Variants in RXRA observed in about 807,000 individuals in gnomAD.
RXRA encodes the protein retinoic acid receptor RXR-alpha.
RXRA carries 5 observed loss-of-function variants against 44.5 expected under a neutral mutation model. That is an observed-to-expected ratio of 0.11 (90% confidence interval 0.06 to 0.24). The LOEUF (loss-of-function observed/expected upper bound fraction) is 0.24. Among genes scored for constraint, RXRA ranks in the 10% least tolerant of loss-of-function variants. The probability of loss-of-function intolerance (pLI) is 1.00; values close to 1 mark genes in which losing one functional copy is unlikely to be tolerated. For missense variants in RXRA, 412 were observed against 646.5 expected, an observed-to-expected ratio of 0.64 and a Z score of 3.93; for synonymous variants, 291 against 271.4, an observed-to-expected ratio of 1.07 and a Z score of -0.71.
intron 7 of RXRA, among the ~76,000 whole-genome samples, chr9:134,431,169 C>T (rs574400806): frequency 5.4e-4 from 83 of 152,372 alleles, no homozygotes; most frequent in Admixed American, 1.5e-3. Context: ...CCCTTACTTC[C>T]TGGACACAGC....
intron 1 of RXRA, among the ~76,000 whole-genome samples, chr9:134,360,990 G>A (rs1005233193): frequency 2.0e-4 from 30 of 152,304 alleles, no homozygotes; most frequent in Admixed American, 1.8e-3. Context: ...AATCCAGGAG[G>A]CCTGGAGAGC....
At chr9:134,330,884 G>A (rs145410822) in intron 1 of RXRA, among the ~76,000 whole-genome samples, 40 of 152,330 alleles carry the variant, frequency 2.6e-4, no homozygotes, top group African/African-American at 9.4e-4. Flanking sequence ...GTGTGTTGTA[G>A]GCTGGCTGGG....
chr9:134,395,067 G>A (rs1343777943), intron 1 of RXRA, among the ~76,000 whole-genome samples: 4 of 152,222 alleles, frequency 2.6e-5, no homozygotes, highest in Non-Finnish European at 5.9e-5. Flanking sequence ...GAGCCTGACC[G>A]ACCTGGCCTG....
chr9:134,341,198 C>T (rs1210146213), intron 1 of RXRA, among the ~76,000 whole-genome samples: 4 of 152,332 alleles, frequency 2.6e-5, no homozygotes, highest in Middle Eastern at 3.4e-3. Flanking sequence ...CACGCTCCCT[C>T]GTTCCCTGCA....
At chr9:134,382,294 C>T (rs900546183) in intron 1 of RXRA, among the ~76,000 whole-genome samples, 2 of 151,224 alleles carry the variant, frequency 1.3e-5, no homozygotes, top group East Asian at 1.9e-4. Context: ...TGTGTGTGTG[C>T]GCTTTTGACT....
intron 9 of RXRA, among the ~76,000 whole-genome samples, chr9:134,435,279 C>T (rs932233447): frequency 2.2e-4 from 34 of 152,336 alleles, no homozygotes; most frequent in African/African-American, 7.2e-4. Context: ...CACGGCCAGC[C>T]GGAAGGGACA....
At chr9:134,422,838 C>T (rs1335965836) in intron 6 of RXRA, 9 of 985,350 alleles carry the variant, frequency 9.1e-6, no homozygotes, top group Non-Finnish European at 9.6e-6. Context: ...GGTTTGGGGG[C>T]TCTGGAGAGG....
Position 134,417,115 on chromosome 9 carries a change from G to C in RXRA, c.611-43G>C. On this transcript the variant is annotated intron_variant, in intron 4 of 9. Coordinates refer to ENST00000481739, the MANE Select transcript of RXRA (RefSeq NM_002957.6). The surrounding 1 kb of genome is among the most constrained non-coding windows in gnomAD (Gnocchi z 6.1). ...GGACAGCCTTCCCTGGGAGCCACTG[G>C]CCGGGCTGAGCGTGGGGCTCACCTG... 1 of 1,577,584 alleles carries C rather than the reference G, an allele frequency of 6.3e-7. No individual in the cohort carries two copies. Among genetic ancestry groups the C allele is most frequent in the Non-Finnish European group, 8.6e-7 (1 of 1,163,716 alleles).
chr9:134,343,740 C>T lies in RXRA; in HGVS notation c.28+17081C>T, dbSNP rs1830115697. Among the ~76,000 whole-genome samples the T allele has an allele frequency of 6.6e-6, 1 of 152,134 alleles. No individual in the cohort carries two copies. The highest frequency in any genetic ancestry group is 2.4e-5 in the African/African-American group (1 of 41,440). On this transcript the variant is annotated intron_variant, in intron 1 of 9. Coordinates refer to ENST00000481739, the MANE Select transcript of RXRA (RefSeq NM_002957.6). The surrounding 1 kb of genome is among the most constrained non-coding windows in gnomAD (Gnocchi z 4.1). ...GCCTCGGGACCAACCCTCCATCCGC[C>T]CGTCCCCAGCCGGGCGCGGCACTGA...
intron 7 of RXRA, among the ~76,000 whole-genome samples, chr9:134,430,491 G>A (rs966322134): frequency 3.3e-5 from 5 of 152,234 alleles, no homozygotes; most frequent in African/African-American, 1.2e-4. Context: ...AGTCCCAAGG[G>A]TGATCCTGGA....
intron 1 of RXRA, among the ~76,000 whole-genome samples, chr9:134,387,157 C>G (rs1054138947): frequency 1.3e-5 from 2 of 152,220 alleles, no homozygotes; most frequent in African/African-American, 4.8e-5. Flanking sequence ...GGAGGGTCCC[C>G]ACACCCATCC....
intron 1 of RXRA, among the ~76,000 whole-genome samples, chr9:134,350,902 A>G (rs374394689): frequency 2.6e-5 from 4 of 152,170 alleles, no homozygotes; most frequent in Non-Finnish European, 4.4e-5. Context: ...CCCAGGGCCA[A>G]CGTCAGCACC....
rs981853614 is a variant in RXRA, at chr9:134,388,868, G to C, written c.29-12764G>C. Among the ~76,000 whole-genome samples the C allele has an allele frequency of 6.6e-5, 10 of 152,168 alleles. No individual in the cohort carries two copies. In the East Asian group the frequency reaches 1.9e-3, roughly 29 times the overall value. Reference sequence around the variant, plus strand: ...CTGGAGGCTGTGAGTTCTCTGGAGGGACAGAGCCCCCTCCCTGCTTGGTGG... The same window carrying C: ...CTGGAGGCTGTGAGTTCTCTGGAGGCACAGAGCCCCCTCCCTGCTTGGTGG... On this transcript the variant is annotated intron_variant, in intron 1 of 9. Transcript: ENST00000481739.
Position 134,326,619 on chromosome 9 carries a change from G to C in RXRA, c.-13G>C. 1 of 964,446 alleles carries C rather than the reference G, an allele frequency of 1.0e-6. No individual in the cohort carries two copies. The highest frequency in any genetic ancestry group is 1.2e-6 in the Non-Finnish European group (1 of 815,266). The allele number at this position is 964,446 out of a possible 1,614,324, so 59.7% of individuals were successfully genotyped here. A position where few individuals can be genotyped will look rare whatever the true frequency, so the allele number is the denominator to read the frequency against. On this transcript the variant is annotated 5_prime_UTR_variant, in exon 1 of 10. Coordinates refer to ENST00000481739, the MANE Select transcript of RXRA (RefSeq NM_002957.6). ...TGCCTGCGCCGCCGGCCGGGCATGAGTTAGTCGCAGACATGGACACCAAAC... is the reference window on the plus strand; with the variant it reads ...TGCCTGCGCCGCCGGCCGGGCATGACTTAGTCGCAGACATGGACACCAAAC...
rs531776908 is a variant in RXRA at position 134,426,794 on chromosome 9, G to T, written c.911-2314G>T. 1 of 985,418 alleles carries T rather than the reference G, an allele frequency of 1.0e-6. No individual in the cohort carries two copies. Among genetic ancestry groups the T allele is most frequent in the African/African-American group, 1.7e-5 (1 of 57,346 alleles). 61.0% of individuals were successfully genotyped at this position (985,418 alleles called of 1,614,324 possible). A position where few individuals can be genotyped will look rare whatever the true frequency, so the allele number is the denominator to read the frequency against. ...GCCCGAGAGGCCAGGACTGGCCAGG[G>T]ATGGTGGGTTTGGGGCCAGTTGTGC... is the stretch of plus-strand genomic sequence containing the variant. On this transcript the variant is annotated intron_variant, in intron 6 of 9. Coordinates refer to ENST00000481739, the MANE Select transcript of RXRA (RefSeq NM_002957.6). The surrounding 1 kb of genome is among the most constrained non-coding windows in gnomAD (Gnocchi z 4.6).
intron 6 of RXRA, 88 bp downstream of exon 6, chr9:134,421,893 TC>T (rs763788648): frequency 3.9e-6 from 6 of 1,547,228 alleles, no homozygotes; most frequent in East Asian, 4.9e-5. Context: ...TACTCCGCAC[TC>T]CCGGGACACT....
At chr9:134,394,502 T>G (rs1020961572) in intron 1 of RXRA, among the ~76,000 whole-genome samples, 8 of 151,988 alleles carry the variant, frequency 5.3e-5, no homozygotes, top group African/African-American at 1.9e-4. Flanking sequence ...AAGGTCAAGG[T>G]GTGTGGGTCA....
intron 1 of RXRA, among the ~76,000 whole-genome samples, chr9:134,330,789 C>T (rs150449239): frequency 6.6e-6 from 1 of 152,360 alleles, no homozygotes; most frequent in East Asian, 1.9e-4. Flanking sequence ...GCCTGGTCTG[C>T]TCTTTGGCCT....
At chr9:134,380,392 A>G (rs954021897) in intron 1 of RXRA, among the ~76,000 whole-genome samples, 2 of 151,832 alleles carry the variant, frequency 1.3e-5, no homozygotes, top group African/African-American at 4.8e-5. Context: ...AGGGCTGGGG[A>G]CTTCGCCTGG....
Sources: allele counts gnomAD v4.1 joint callset (sites outside exome capture counted in the v4.1 genomes callset), GRCh38; gene constraint gnomAD v4.1.1; non-coding constraint Gnocchi (gnomAD v3.1); transcripts MANE v1.5; gene names NCBI Gene and HGNC (gene_info 2026-07-23, HGNC 2026-07-21).